Variants in OPCML observed in about 807,000 individuals in gnomAD.
OPCML encodes the protein opioid binding protein/cell adhesion molecule like.
OPCML carries 13 observed loss-of-function variants against 37.8 expected under a neutral mutation model. That is an observed-to-expected ratio of 0.34 (90% CI 0.22 to 0.55). The LOEUF is 0.55. Ranked by LOEUF, OPCML falls within the 20% of genes least tolerant of loss-of-function variation. The pLI, the probability that OPCML is intolerant of heterozygous loss-of-function variation, is 0.91. For missense variants in OPCML, 341 were observed against 435.6 expected (o/e 0.78, Z 1.93); for synonymous variants, 176 against 168.8 (o/e 1.04, Z -0.33).
rs117457366 is a variant in OPCML, at chr11:132,656,116, G to A, written c.379+971C>T. On this transcript the variant is annotated intron_variant, in intron 3 of 7. Coordinates refer to ENST00000524381, the MANE Select transcript of OPCML (RefSeq NM_001012393.5). The stretch of plus-strand genomic sequence containing the variant: ...CGAACCTTTCATTTGGTGGAGGAAG[G>A]ATGCATCACTGGCTGACGGAACTAA... 3.1e-3 allele frequency among the ~76,000 whole-genome samples: 465 copies of A among 152,186 alleles called. 3 individuals are homozygous for A. The highest frequency in any genetic ancestry group is 5.0e-3 in the South Asian group (24 of 4,812).
chr11:133,244,297 C>G (rs369085371), intron 1 of OPCML, among the ~76,000 whole-genome samples: 5 of 152,128 alleles, frequency 3.3e-5, no homozygotes, highest in African/African-American at 1.2e-4. Flanking sequence ...ATGGACATAC[C>G]TCGAAGGGCT....
At chr11:133,202,084 T>C (rs981104644) in intron 1 of OPCML, among the ~76,000 whole-genome samples, 2 of 152,046 alleles carry the variant, frequency 1.3e-5, no homozygotes, top group Non-Finnish European at 2.9e-5. Context: ...AGAACTGCTG[T>C]GAAAAGATAG....
chr11:133,469,183 G>C (rs1947045795), intron 1 of OPCML, among the ~76,000 whole-genome samples: 1 of 152,170 alleles, frequency 6.6e-6, no homozygotes, highest in Non-Finnish European at 1.5e-5. Flanking sequence ...ACATGAAATA[G>C]CTAAATTTAT....
intron 2 of OPCML, among the ~76,000 whole-genome samples, chr11:132,840,284 T>C (rs1373725243): frequency 6.6e-6 from 1 of 152,216 alleles, no homozygotes; most frequent in Non-Finnish European, 1.5e-5. Context: ...AACATTTTAC[T>C]TAAATATTCA....
rs900119382 is a variant in OPCML at position 132,526,050 on chromosome 11, G to T, written c.505+3011C>A. Among the ~76,000 whole-genome samples the T allele has an allele frequency of 2.0e-5, 3 of 152,084 alleles. No homozygotes were observed. The East Asian group carries it at 5.8e-4, about 29-fold the overall frequency. Reference sequence around the variant, plus strand: ...GAAGAGAGGGATCATTTAAATTTAGGATTTTCCAGTGAGGCTAAATTGCAA... The same window carrying T: ...GAAGAGAGGGATCATTTAAATTTAGTATTTTCCAGTGAGGCTAAATTGCAA... On this transcript the variant is annotated intron_variant, in intron 4 of 7. Transcript: ENST00000524381.
rs1195365035 is a variant in OPCML, at chr11:132,417,470, C to A, written c.*2723G>T. ...AAACGTGGCTGGGATAGGTACCCAC[C>A]AGAGGGGCATCTTAGTATCCTTTGG... is the stretch of plus-strand genomic sequence containing the variant. On this transcript the variant is annotated 3_prime_UTR_variant, in exon 8 of 8. Coordinates refer to ENST00000524381, the MANE Select transcript of OPCML (RefSeq NM_001012393.5). 1 of 152,180 alleles carries A rather than the reference C, an allele frequency of 6.6e-6. No homozygotes were observed. The highest frequency in any genetic ancestry group is 1.5e-5 in the Non-Finnish European group (1 of 68,048). 9.4% of individuals were successfully genotyped at this position (152,180 alleles called of 1,614,324 possible).
At chr11:132,684,161 T>C (rs1207421114) in intron 2 of OPCML, among the ~76,000 whole-genome samples, 1 of 152,202 alleles carries the variant, frequency 6.6e-6, no homozygotes, top group Non-Finnish European at 1.5e-5. Flanking sequence ...GACATACCTC[T>C]CCTTAATTAA....
intron 1 of OPCML, among the ~76,000 whole-genome samples, chr11:133,084,004 C>T (rs1948780900): frequency 6.6e-6 from 1 of 152,134 alleles, no homozygotes; most frequent in African/African-American, 2.4e-5. Flanking sequence ...TGACTTTTTG[C>T]ATGCTCCCGC....
chr11:132,985,871 T>C (rs930472087), intron 1 of OPCML, among the ~76,000 whole-genome samples: 7 of 152,216 alleles, frequency 4.6e-5, no homozygotes, highest in Non-Finnish European at 1.5e-5. Flanking sequence ...TCTGAATGTA[T>C]TTTCTCTTGG....
At chr11:132,659,431 A>C (rs2135780654) in intron 2 of OPCML, among the ~76,000 whole-genome samples, 2 of 152,360 alleles carry the variant, frequency 1.3e-5, no homozygotes, top group Middle Eastern at 6.8e-3. Context: ...AAATAGTAGA[A>C]TTCCAAAAAT....
At chr11:132,935,346 G>A (rs1016460508) in intron 2 of OPCML, among the ~76,000 whole-genome samples, 14 of 151,918 alleles carry the variant, frequency 9.2e-5, no homozygotes, top group Non-Finnish European at 1.8e-4. Flanking sequence ...TCTCTTTTGC[G>A]TAATTACTTC....
At chr11:132,678,356 G>T (rs767254629) in intron 2 of OPCML, among the ~76,000 whole-genome samples, 1 of 152,106 alleles carries the variant, frequency 6.6e-6, no homozygotes, top group African/African-American at 2.4e-5. Flanking sequence ...AAAATTAAAC[G>T]TACTCTTACC....
At chr11:132,461,817 G>A (rs1055430588) in intron 4 of OPCML, among the ~76,000 whole-genome samples, 2 of 152,148 alleles carry the variant, frequency 1.3e-5, no homozygotes, top group Non-Finnish European at 2.9e-5. Context: ...GGAAGGAGAA[G>A]TGCCAAGCGA....
At chr11:132,760,344 G>A (rs745884499) in intron 2 of OPCML, among the ~76,000 whole-genome samples, 4 of 152,092 alleles carry the variant, frequency 2.6e-5, no homozygotes, top group Non-Finnish European at 5.9e-5. Context: ...TTCAAGTCCT[G>A]AATATTTTTG....
intron 1 of OPCML, among the ~76,000 whole-genome samples, chr11:133,495,915 G>A (rs1231736452): frequency 6.6e-6 from 1 of 152,012 alleles, no homozygotes; most frequent in Non-Finnish European, 1.5e-5. Flanking sequence ...TTAGGTCCCA[G>A]CTATTTATCA....
chr11:133,277,952 T>C (rs76044197), intron 1 of OPCML, among the ~76,000 whole-genome samples: 1,714 of 152,254 alleles, frequency 0.011, 23 homozygotes, highest in African/African-American at 0.039. Flanking sequence ...AGAGGCAGGA[T>C]TGAAGCATAT....
At chr11:132,868,028 C>G (rs1172976617) in intron 2 of OPCML, among the ~76,000 whole-genome samples, 1 of 152,114 alleles carries the variant, frequency 6.6e-6, no homozygotes, top group East Asian at 1.9e-4. Context: ...TGCAGTAATG[C>G]TTTGATATTG....
intron 2 of OPCML, among the ~76,000 whole-genome samples, chr11:132,880,542 T>G (rs1943188755): frequency 6.6e-6 from 1 of 152,226 alleles, no homozygotes; most frequent in Non-Finnish European, 1.5e-5. Context: ...CTGGGCCCAG[T>G]GGCTTGCGGA....
Position 132,443,489 on chromosome 11 carries a change from G to A in OPCML, c.506-6130C>T, listed in dbSNP as rs982083127. ...GACGATCCTGATCAACACTGAATTT[G>A]CAAAGTTGGAATCAAATGTCCAGGT... On this transcript the variant is annotated intron_variant, in intron 4 of 7. Coordinates refer to ENST00000524381, the MANE Select transcript of OPCML (RefSeq NM_001012393.5). 7.9e-5 allele frequency among the ~76,000 whole-genome samples: 12 copies of A among 152,302 alleles called. No individual in the cohort carries two copies. In the South Asian group the frequency reaches 1.9e-3, roughly 24 times the overall value.
Sources: allele counts gnomAD v4.1 joint callset (sites outside exome capture counted in the v4.1 genomes callset), GRCh38; gene constraint gnomAD v4.1.1; transcripts MANE v1.5; gene names NCBI Gene and HGNC (gene_info 2026-07-23, HGNC 2026-07-21).